TMEM132C: variants seen among roughly 807,000 people sequenced by gnomAD.
TMEM132C encodes the protein transmembrane protein 132C, also known as protein phosphatase 1, regulatory subunit 152.
Under a neutral mutation model 61.4 loss-of-function variants are expected in TMEM132C, and 29 were observed. The ratio of observed to expected loss-of-function variants is 0.47; its 90% CI spans 0.35 to 0.64. The LOEUF (loss-of-function observed/expected upper bound fraction) is 0.64. Among genes scored for constraint, TMEM132C ranks in the 30% least tolerant of loss-of-function variants. The probability of loss-of-function intolerance (pLI) is 0.00; values close to 1 mark genes in which losing one functional copy is unlikely to be tolerated. For synonymous variants in TMEM132C, 656 were observed against 633.1 expected, an observed-to-expected ratio of 1.04 and a Z score of -0.54; for missense variants, 1,408 against 1,476.9, an observed-to-expected ratio of 0.95 and a Z score of 0.76.
At chr12:128,284,137 C>G (rs1333948029) in intron 1 of TMEM132C, among the ~76,000 whole-genome samples, 3 of 152,118 alleles carry the variant, frequency 2.0e-5, no homozygotes, top group Non-Finnish European at 4.4e-5. Flanking sequence ...CATGTACCAC[C>G]ATGTACTGAC....
intron 1 of TMEM132C, among the ~76,000 whole-genome samples, chr12:128,320,937 T>C (rs978330229): frequency 4.0e-4 from 60 of 151,860 alleles, no homozygotes; most frequent in African/African-American, 1.4e-3. Flanking sequence ...GTGAGGCCCA[T>C]GCTCTAGGGG....
chr12:128,534,858 G>A (rs1275149539), intron 2 of TMEM132C, among the ~76,000 whole-genome samples: 1 of 152,214 alleles, frequency 6.6e-6, no homozygotes, highest in Non-Finnish European at 1.5e-5. Context: ...GGTGACACCA[G>A]CCACTGCACC....
chr12:128,529,457 TG>T (rs1260950523), intron 2 of TMEM132C, among the ~76,000 whole-genome samples: 1 of 152,108 alleles, frequency 6.6e-6, no homozygotes, highest in Non-Finnish European at 1.5e-5. Flanking sequence ...CATGAAAACG[TG>T]GGAGACACTT....
chr12:128,462,426 A>T (rs1870565992), intron 2 of TMEM132C, among the ~76,000 whole-genome samples: 1 of 152,214 alleles, frequency 6.6e-6, no homozygotes, highest in South Asian at 2.1e-4. Flanking sequence ...CTGAGGATGT[A>T]GTCAGACTTT....
At chr12:128,567,325 G>A (rs1378115124) in intron 3 of TMEM132C, among the ~76,000 whole-genome samples, 1 of 152,140 alleles carries the variant, frequency 6.6e-6, no homozygotes, top group Non-Finnish European at 1.5e-5. Context: ...TACACAAGGG[G>A]ATTTAGTAGT....
intron 2 of TMEM132C, among the ~76,000 whole-genome samples, chr12:128,507,592 C>T (rs1039672597): frequency 6.6e-6 from 1 of 152,028 alleles, no homozygotes; most frequent in African/African-American, 2.4e-5. Context: ...CCCAACATGA[C>T]GGGGAGCTGC....
chr12:128,340,035 A>G (rs1872906743), intron 1 of TMEM132C, among the ~76,000 whole-genome samples: 1 of 152,210 alleles, frequency 6.6e-6, no homozygotes, highest in African/African-American at 2.4e-5. Context: ...TTGAGTTTAC[A>G]GGGGGCTTCT....
intron 4 of TMEM132C, among the ~76,000 whole-genome samples, chr12:128,643,205 G>A (rs1220510167): frequency 1.3e-5 from 2 of 152,152 alleles, no homozygotes; most frequent in African/African-American, 2.4e-5. Context: ...TTTCAGGACC[G>A]GATTACCGCT....
At chr12:128,425,014 G>T (rs1162897771) in intron 2 of TMEM132C, among the ~76,000 whole-genome samples, 2 of 152,210 alleles carry the variant, frequency 1.3e-5, no homozygotes. Context: ...AATCAGATAT[G>T]TGGGTTGAAG....
At chr12:128,298,199 C>G (rs948453252) in intron 1 of TMEM132C, among the ~76,000 whole-genome samples, 1 of 152,184 alleles carries the variant, frequency 6.6e-6, no homozygotes, top group African/African-American at 2.4e-5. Context: ...CTTAAGACCC[C>G]AGTGCGGCTC....
chr12:128,701,902 T>C (rs10744384), intron 8 of TMEM132C, among the ~76,000 whole-genome samples: 194 of 40,094 alleles, frequency 4.8e-3, no homozygotes, highest in East Asian at 8.5e-3. Flanking sequence ...TCTTCTTCTT[T>C]TTTTTTTTTT....
At chr12:128,683,342 A>G (rs774270795) in intron 5 of TMEM132C, among the ~76,000 whole-genome samples, 2 of 151,940 alleles carry the variant, frequency 1.3e-5, no homozygotes, top group South Asian at 2.1e-4. Flanking sequence ...CTCCTGATAA[A>G]CCTGTGACAC....
At chr12:128,517,233 C>CAAAT (rs59000862) in intron 2 of TMEM132C, among the ~76,000 whole-genome samples, 85,431 of 142,400 alleles carry the variant, frequency 0.6, 26,670 homozygotes, top group Non-Finnish European at 0.69. Flanking sequence ...TCCGTCTCAA[C>CAAAT]AAATAAATAA....
intron 2 of TMEM132C, among the ~76,000 whole-genome samples, chr12:128,417,747 G>T (rs868581538): frequency 1.3e-5 from 2 of 152,102 alleles, no homozygotes; most frequent in African/African-American, 4.8e-5. Flanking sequence ...TTACTAACAG[G>T]GCTGTTTTTA....
intron 4 of TMEM132C, among the ~76,000 whole-genome samples, chr12:128,648,379 T>C (rs1294912094): frequency 6.7e-6 from 1 of 148,764 alleles, no homozygotes; most frequent in Admixed American, 6.7e-5. Flanking sequence ...TCCATCAGCG[T>C]TGGATGAGTG....
At position 128,547,399 on chromosome 12, in the gene TMEM132C, CAA is replaced by C. The variant is rs3044078; in HGVS notation, c.1121+3310_1121+3311del. Among the ~76,000 whole-genome samples the C allele has an allele frequency of 1.4e-3, 198 of 139,592 alleles. 1 individual carries two copies. Among genetic ancestry groups the C allele is most frequent in the African/African-American group, 3.4e-3 (127 of 37,478 alleles). The allele number at this position is 139,592 out of a possible 152,430, so 91.6% of individuals were successfully genotyped here. ...TGAAACCCCATCTCTACTAAAAATACAAAAAAAAAAAAAAATTAGCCGGGCGT... is the reference window on the plus strand; with the variant it reads ...TGAAACCCCATCTCTACTAAAAATACAAAAAAAAAAAAATTAGCCGGGCGT... On this transcript the variant is annotated intron_variant, in intron 3 of 8. Coordinates refer to ENST00000435159, the MANE Select transcript of TMEM132C (RefSeq NM_001136103.3).
intron 1 of TMEM132C, among the ~76,000 whole-genome samples, chr12:128,407,729 G>A (rs187112852): frequency 2.0e-5 from 3 of 152,292 alleles, no homozygotes; most frequent in East Asian, 3.9e-4. Context: ...GAAGAGGCAC[G>A]CTGTCACTTC....
At chr12:128,360,246 ACAC>A (rs1873656944) in intron 1 of TMEM132C, among the ~76,000 whole-genome samples, 4 of 4,156 alleles carry the variant, frequency 9.6e-4, no homozygotes, top group African/African-American at 1.7e-3. Flanking sequence ...ATAAAGGACG[ACAC>A]ACACACACAC....
At chr12:128,373,422 C>T (rs1874088764) in intron 1 of TMEM132C, among the ~76,000 whole-genome samples, 1 of 152,218 alleles carries the variant, frequency 6.6e-6, no homozygotes, top group Non-Finnish European at 1.5e-5. Flanking sequence ...GGATTCCTGG[C>T]TGACAGGCCA....
Sources: allele counts gnomAD v4.1 joint callset (sites outside exome capture counted in the v4.1 genomes callset), GRCh38; gene constraint gnomAD v4.1.1; transcripts MANE v1.5; gene names NCBI Gene and HGNC (gene_info 2026-07-23, HGNC 2026-07-21).